TPCN2: variants seen among roughly 807,000 people sequenced by gnomAD.
The protein encoded by TPCN2 is two pore channel protein 2.
Under a neutral mutation model 111.4 loss-of-function variants are expected in TPCN2, and 92 were observed. The observed-to-expected ratio is 0.83, with a 90% confidence interval of 0.70 to 0.98. The LOEUF is 0.98. Ranked by LOEUF, TPCN2 falls within the 50% of genes least tolerant of loss-of-function variation. The pLI is 0.00. For missense variants in TPCN2, 995 were observed against 980.1 expected (o/e 1.02, Z -0.20); for synonymous variants, 405 against 414.5 (o/e 0.98, Z 0.28).
Position 69,054,705 on chromosome 11 carries a change from G to T in TPCN2, c.175-16G>T. On this transcript the variant is annotated splice_polypyrimidine_tract_variant and intron_variant, in intron 2 of 24. Coordinates refer to ENST00000294309, the MANE Select transcript of TPCN2 (RefSeq NM_139075.4). ...CATGCACCCATGTCATGCCTCATGT[G>T]ACTTTTCGCTTGTAGTACCGCTCCA... is the stretch of plus-strand genomic sequence containing the variant. 6.2e-7 allele frequency: 1 copy of T among 1,613,776 alleles called. No homozygotes were observed. Among genetic ancestry groups the T allele is most frequent in the South Asian group, 1.1e-5 (1 of 91,056 alleles).
At position 69,054,067 on chromosome 11, in the gene TPCN2, G is replaced by T; in HGVS notation, c.144G>T (p.Gln48His). The change falls in exon 2 of 25, where the codon CAG (glutamine) becomes CAT (histidine). Residue 48 changes from glutamine to histidine, a missense_variant. Gln to His is a conservative substitution (Grantham distance 24). Coordinates refer to ENST00000294309, the MANE Select transcript of TPCN2 (RefSeq NM_139075.4). ...AAARWDLCID[Q>H]AVVFIEDAIQ... The stretch of plus-strand genomic sequence containing the variant: ...CCAGGTGGGACCTCTGCATTGATCA[G>T]GCTGTGGTCTTCATCGAAGATGCTA... 1 of 1,613,894 alleles carries T rather than the reference G, an allele frequency of 6.2e-7. No homozygotes were observed.
chr11:69,053,519 G>T (rs929147965), intron 1 of TPCN2, among the ~76,000 whole-genome samples: 1 of 152,158 alleles, frequency 6.6e-6, no homozygotes, highest in Non-Finnish European at 1.5e-5. Context: ...TGAAGACTGT[G>T]CAGGAGCCAG....
intron 7 of TPCN2, among the ~76,000 whole-genome samples, chr11:69,064,929 CTG>C (rs36072808): frequency 0.37 from 55,675 of 149,450 alleles, 11,992 homozygotes; most frequent in Non-Finnish European, 0.49. Flanking sequence ...GTCTGTATGT[CTG>C]TGTGTGTGTT....
intron 18 of TPCN2, among the ~76,000 whole-genome samples, chr11:69,082,633 C>T (rs1410201011): frequency 1.3e-5 from 2 of 150,510 alleles, no homozygotes; most frequent in East Asian, 2.0e-4. Context: ...GACGCATGAT[C>T]GTGTGTGCAC....
intron 8 of TPCN2, among the ~76,000 whole-genome samples, chr11:69,069,352 G>A (rs1374844087): frequency 3.0e-5 from 1 of 32,822 alleles, no homozygotes; most frequent in Non-Finnish European, 9.0e-5. Flanking sequence ...GGAAGTTACC[G>A]CAGTGGGAGC....
At chr11:69,058,782 C>A (rs1254020510) in intron 5 of TPCN2, among the ~76,000 whole-genome samples, 1 of 152,250 alleles carries the variant, frequency 6.6e-6, no homozygotes, top group African/African-American at 2.4e-5. Context: ...GCAGCCTCCT[C>A]CCTGCAAAGG....
At chr11:69,078,431 A>G (rs776433368) in intron 13 of TPCN2, 51 bp from the exon 14 acceptor site, 66 of 1,603,322 alleles carry the variant, frequency 4.1e-5, no homozygotes, top group Non-Finnish European at 4.2e-5. Flanking sequence ...TTGGGCTGCA[A>G]CAGCCACGGC....
At chr11:69,066,944 AG>A in intron 7 of TPCN2, among the ~76,000 whole-genome samples, 1 of 152,104 alleles carries the variant, frequency 6.6e-6, no homozygotes, top group Non-Finnish European at 1.5e-5. Flanking sequence ...CTCAGGAGGG[AG>A]AGAGGATAGG....
At position 69,054,100 on chromosome 11, in the gene TPCN2, C is replaced by T. The variant is rs568415551; in HGVS notation, c.174+3C>T. The T allele has an allele frequency of 5.1e-5, 83 of 1,612,450 alleles. No homozygotes were observed. Among genetic ancestry groups the T allele is most frequent in the African/African-American group, 2.8e-4 (21 of 74,912 alleles). ...TCTTCATCGAAGATGCTATTCAGGTCGGTGGCACCTGCTCCCTGTGGCCGG... is the reference window on the plus strand; with the variant it reads ...TCTTCATCGAAGATGCTATTCAGGTTGGTGGCACCTGCTCCCTGTGGCCGG... On this transcript the variant is annotated splice_donor_region_variant and intron_variant, in intron 2 of 24. Transcript: ENST00000294309.
intron 11 of TPCN2, among the ~76,000 whole-genome samples, chr11:69,072,289 C>T (rs1172522238): frequency 6.6e-6 from 1 of 152,208 alleles, no homozygotes; most frequent in East Asian, 1.9e-4. Context: ...CCCCTTTGTG[C>T]TCTTCTACCC....
intron 18 of TPCN2, among the ~76,000 whole-genome samples, chr11:69,082,278 G>C (rs1167378308): frequency 1.3e-5 from 2 of 152,208 alleles, no homozygotes; most frequent in Non-Finnish European, 2.9e-5. Context: ...ATACAGCCAA[G>C]CACACGTGAT....
chr11:69,072,809 G>A (rs1388030570), intron 12 of TPCN2, 101 bp downstream of exon 12: 11 of 1,540,162 alleles, frequency 7.1e-6, no homozygotes, highest in Non-Finnish European at 9.9e-6. Flanking sequence ...CAGGTCACCT[G>A]CAGCATTCAC....
chr11:69,070,044 A>G (rs1223607355), intron 8 of TPCN2, among the ~76,000 whole-genome samples: 2 of 141,142 alleles, frequency 1.4e-5, no homozygotes, highest in Non-Finnish European at 3.0e-5. Context: ...TTTTTGTTTG[A>G]GATGGTGCCA....
intron 7 of TPCN2, among the ~76,000 whole-genome samples, chr11:69,065,156 G>T (rs921815042): frequency 6.6e-6 from 1 of 152,188 alleles, no homozygotes; most frequent in African/African-American, 2.4e-5. Flanking sequence ...CTGTGTGTAT[G>T]TGTGTGTTTG....
At chr11:69,071,133 TCCCCCACCAACAGCTTC>T (rs1565088193) in intron 9 of TPCN2, among the ~76,000 whole-genome samples, 9 of 147,148 alleles carry the variant, frequency 6.1e-5, no homozygotes, top group African/African-American at 1.8e-4. Context: ...ACCCCAGGGA[TCCCCCACCAACAGCTTC>T]ACCCCAGGGA....
intron 5 of TPCN2, among the ~76,000 whole-genome samples, chr11:69,062,143 G>T (rs893085766): frequency 6.6e-5 from 10 of 152,038 alleles, no homozygotes; most frequent in African/African-American, 9.7e-5. Flanking sequence ...CACATGGCGA[G>T]AGAGGCCCCC....
In TPCN2 at chr11:69,072,711, A is replaced by G. The variant is rs1590733959; in HGVS notation, c.1143+3A>G. Reference sequence around the variant, plus strand: ...CCCACAAACAGGCCATGATGGAGGTACCCGCCCCCTGCTCCCAGCCTCCTC... The same window carrying G: ...CCCACAAACAGGCCATGATGGAGGTGCCCGCCCCCTGCTCCCAGCCTCCTC... On this transcript the variant is annotated splice_donor_region_variant and intron_variant, in intron 12 of 24. Coordinates refer to ENST00000294309, the MANE Select transcript of TPCN2 (RefSeq NM_139075.4). 1 of 1,613,192 alleles carries G rather than the reference A, an allele frequency of 6.2e-7. No individual in the cohort carries two copies. Among genetic ancestry groups the G allele is most frequent in the Admixed American group, 1.7e-5 (1 of 59,996 alleles).
chr11:69,058,752 C>T (rs1854886012), intron 5 of TPCN2, among the ~76,000 whole-genome samples: 2 of 152,218 alleles, frequency 1.3e-5, no homozygotes, highest in Non-Finnish European at 2.9e-5. Context: ...CTTCCTGTCT[C>T]CCTGACTCGG....
At chr11:69,065,123 C>T (rs1414405333) in intron 7 of TPCN2, among the ~76,000 whole-genome samples, 1 of 151,178 alleles carries the variant, frequency 6.6e-6, no homozygotes, top group South Asian at 2.1e-4. Context: ...TGGCTGTGTG[C>T]GTGTGCATGT....
Sources: allele counts gnomAD v4.1 joint callset (sites outside exome capture counted in the v4.1 genomes callset), GRCh38; gene constraint gnomAD v4.1.1; transcripts MANE v1.5; gene names NCBI Gene and HGNC (gene_info 2026-07-23, HGNC 2026-07-21).